The following TTLL11 variants were observed in gnomAD, a reference collection of about 807,000 sequenced individuals.
The protein encoded by TTLL11 is tubulin polyglutamylase TTLL11.
Under a neutral mutation model 51.7 loss-of-function variants are expected in TTLL11, and 42 were observed. The ratio of observed to expected loss-of-function variants is 0.81; its 90% CI spans 0.64 to 1.05. The LOEUF (loss-of-function observed/expected upper bound fraction) is 1.05. Ranked by LOEUF, TTLL11 falls within the 50% of genes least tolerant of loss-of-function variation. TTLL11 has a pLI of 0.00. For missense variants in TTLL11, 799 were observed against 940.4 expected, an observed-to-expected ratio of 0.85 and a Z score of 1.97; for synonymous variants, 381 against 383.5, an observed-to-expected ratio of 0.99 and a Z score of 0.08.
chr9:121,833,584 G>A (rs536677093), intron 8 of TTLL11, among the ~76,000 whole-genome samples: 6 of 152,062 alleles, frequency 3.9e-5, no homozygotes, highest in South Asian at 2.1e-4. Context: ...ATGTTTACGC[G>A]TATTCTTCAT....
At chr9:121,998,551 G>A (rs1843359722) in intron 3 of TTLL11, among the ~76,000 whole-genome samples, 1 of 151,424 alleles carries the variant, frequency 6.6e-6, no homozygotes, top group South Asian at 2.1e-4. Flanking sequence ...CTCCCAAAGT[G>A]CTGGGATTAC....
chr9:122,093,089 A>G lies in TTLL11; in HGVS notation c.60T>C (p.Ala20=), dbSNP rs1360135398. ...CAGCTTTGGCCGCCGCTTTGGCCGCAGCCACCGCCTCCGCCTCCCACCGGG... is the reference window on the plus strand; with the variant it reads ...CAGCTTTGGCCGCCGCTTTGGCCGCGGCCACCGCCTCCGCCTCCCACCGGG... The part of the protein sequence containing the change: ...LAARWEAEAV[A]AAKAAAKAEA... The change falls in exon 1 of 9, where the codon GCT becomes GCC. Residue 20 remains alanine, a synonymous_variant. Transcript: ENST00000321582. 2.7e-6 allele frequency: 4 copies of G among 1,503,076 alleles called. No individual in the cohort carries two copies. Among genetic ancestry groups the G allele is most frequent in the East Asian group, 2.7e-5 (1 of 36,564 alleles). The allele number at this position is 1,503,076 out of a possible 1,614,324, so 93.1% of individuals were successfully genotyped here.
intron 3 of TTLL11, among the ~76,000 whole-genome samples, chr9:122,031,485 C>T (rs1180581862): frequency 6.6e-6 from 1 of 152,174 alleles, no homozygotes; most frequent in Non-Finnish European, 1.5e-5. Context: ...TTTTGATATC[C>T]GCCTTAGGGC....
At chr9:121,975,206 T>C (rs1329045251) in intron 4 of TTLL11, among the ~76,000 whole-genome samples, 2 of 152,254 alleles carry the variant, frequency 1.3e-5, no homozygotes, top group African/African-American at 2.4e-5. Context: ...GTTTCAGCAC[T>C]GTCTTTGTCG....
chr9:122,040,308 T>C, intron 1 of TTLL11: 3 of 975,228 alleles, frequency 3.1e-6, no homozygotes, highest in Non-Finnish European at 3.7e-6. Flanking sequence ...ACCTTTTTGG[T>C]CTTCTAAAAT....
chr9:121,887,028 G>A (rs933535762), intron 6 of TTLL11, among the ~76,000 whole-genome samples: 1 of 152,122 alleles, frequency 6.6e-6, no homozygotes, highest in South Asian at 2.1e-4. Context: ...CTAAGTACTG[G>A]CCCATCTCCA....
chr9:122,076,532 T>A (rs1845864277), intron 1 of TTLL11, among the ~76,000 whole-genome samples: 1 of 152,130 alleles, frequency 6.6e-6, no homozygotes, highest in South Asian at 2.1e-4. Flanking sequence ...CCTATCCAAG[T>A]ATGGAGTCAG....
intron 8 of TTLL11, among the ~76,000 whole-genome samples, chr9:121,826,217 T>C (rs4837895): frequency 0.016 from 932 of 58,080 alleles, 81 homozygotes; most frequent in Middle Eastern, 0.022. Context: ...TATATATATA[T>C]GCACACATAT....
chr9:121,916,548 C>T (rs1036381467), intron 6 of TTLL11, among the ~76,000 whole-genome samples: 2 of 151,962 alleles, frequency 1.3e-5, no homozygotes, highest in Non-Finnish European at 2.9e-5. Flanking sequence ...TACACAGTGG[C>T]GATTTGTGCA....
At chr9:121,976,743 G>A in intron 4 of TTLL11, among the ~76,000 whole-genome samples, 1 of 152,232 alleles carries the variant, frequency 6.6e-6, no homozygotes, top group Middle Eastern at 3.4e-3. Context: ...TCAATGAAGG[G>A]CAATAAGGAT....
chr9:122,020,439 T>C (rs1844135738), intron 3 of TTLL11, among the ~76,000 whole-genome samples: 2 of 152,328 alleles, frequency 1.3e-5, no homozygotes, highest in Non-Finnish European at 2.9e-5. Flanking sequence ...TCCCACATTA[T>C]TACACAGAAG....
chr9:122,011,862 G>T (rs1843800290), intron 3 of TTLL11, among the ~76,000 whole-genome samples: 1 of 152,148 alleles, frequency 6.6e-6, no homozygotes, highest in African/African-American at 2.4e-5. Flanking sequence ...ATATATTCTA[G>T]CCAAACATAT....
At chr9:121,988,528 C>T (rs1383731889) in intron 4 of TTLL11, among the ~76,000 whole-genome samples, 2 of 152,100 alleles carry the variant, frequency 1.3e-5, no homozygotes, top group Non-Finnish European at 2.9e-5. Context: ...CACATTTCCA[C>T]CTGGAACCCT....
intron 8 of TTLL11, among the ~76,000 whole-genome samples, chr9:121,823,644 A>G (rs1181497388): frequency 6.6e-6 from 1 of 152,228 alleles, no homozygotes; most frequent in East Asian, 1.9e-4. Context: ...GCAAAGTTCT[A>G]TCTGATAACA....
At chr9:122,017,775 T>G (rs998641463) in intron 3 of TTLL11, among the ~76,000 whole-genome samples, 4 of 151,966 alleles carry the variant, frequency 2.6e-5, no homozygotes, top group Non-Finnish European at 5.9e-5. Flanking sequence ...GGGTAAGGAT[T>G]TTTAAAGTCA....
intron 3 of TTLL11, among the ~76,000 whole-genome samples, chr9:121,999,180 G>A (rs1843384875): frequency 2.6e-5 from 4 of 152,270 alleles, no homozygotes; most frequent in Admixed American, 2.0e-4. Context: ...ATGCTGTCAT[G>A]TTCTATCCAG....
chr9:121,822,472 C>T lies in TTLL11; in HGVS notation c.*115G>A. 1 of 1,071,984 alleles carries T rather than the reference C, an allele frequency of 9.3e-7. No individual in the cohort carries two copies. Among genetic ancestry groups the T allele is most frequent in the Non-Finnish European group, 1.3e-6 (1 of 778,404 alleles). 66.4% of individuals were successfully genotyped at this position (1,071,984 alleles called of 1,614,324 possible). Reference sequence around the variant, plus strand: ...GCACACAGAGACAGTTCGTGGGGACCTCAGCTGGGCCCCTCGGCAGCCTGC... The same window carrying T: ...GCACACAGAGACAGTTCGTGGGGACTTCAGCTGGGCCCCTCGGCAGCCTGC... On this transcript the variant is annotated 3_prime_UTR_variant, in exon 9 of 9. Transcript: ENST00000321582. The surrounding 1 kb of genome is among the most constrained non-coding windows in gnomAD (Gnocchi z 5.8).
At chr9:121,838,761 AAAGCAAGCAAGCAAGCAAGAAAGCAAGC>A (rs1309350247) in intron 8 of TTLL11, among the ~76,000 whole-genome samples, 32 of 86,994 alleles carry the variant, frequency 3.7e-4, no homozygotes, top group African/African-American at 9.9e-4. Flanking sequence ...AGAAAGAGAG[AAAGCAAGCAAGCAAGCAAGAAAGCAAGC>A]AAGCAAGCAA....
chr9:121,923,188 T>C (rs560816460), intron 6 of TTLL11, among the ~76,000 whole-genome samples: 3 of 152,190 alleles, frequency 2.0e-5, no homozygotes, highest in Admixed American at 2.0e-4. Flanking sequence ...GAGTACCACA[T>C]AAATGTCTGA....
Sources: gnomAD v4.1 joint callset for allele counts (sites outside exome capture counted in the v4.1 genomes callset) on GRCh38, gnomAD v4.1.1 for gene constraint, Gnocchi (gnomAD v3.1) non-coding constraint, MANE v1.5 for transcripts, NCBI Gene and HGNC (gene_info 2026-07-23, HGNC 2026-07-21) for gene names.